NWD1: variants seen among roughly 807,000 people sequenced by gnomAD.
NWD1 encodes the protein NACHT and WD repeat domain containing 1, also known as NACHT domain- and WD repeat-containing protein 1.
In NWD1, 129 loss-of-function variants were observed where a neutral mutation model predicts 135.1. The ratio of observed to expected loss-of-function variants is 0.96; its 90% confidence interval spans 0.83 to 1.11. NWD1 has a LOEUF of 1.11. Among genes scored for constraint, NWD1 ranks in the 50% least tolerant of loss-of-function variants. The probability of loss-of-function intolerance (pLI) is 0.00; values close to 1 mark genes in which losing one functional copy is unlikely to be tolerated. For synonymous variants in NWD1, 773 were observed against 786.0 expected, an observed-to-expected ratio of 0.98 and a Z score of 0.28; for missense variants, 1,740 against 1,851.3, an observed-to-expected ratio of 0.94 and a Z score of 1.10.
intron 17 of NWD1, among the ~76,000 whole-genome samples, chr19:16,800,645 G>C (rs891634372): frequency 6.6e-6 from 1 of 152,094 alleles, no homozygotes; most frequent in Non-Finnish European, 1.5e-5. Flanking sequence ...AGCAGATCTC[G>C]TGTCTGGTGA....
In NWD1 at chr19:16,814,522, GAATA is replaced by G. The variant is rs924368934; in HGVS notation, c.4288-501_4288-498del. Among the ~76,000 whole-genome samples, 5 of 152,336 alleles carry G rather than the reference GAATA, an allele frequency of 3.3e-5. 1 individual carries two copies. Among genetic ancestry groups the G allele is most frequent in the African/African-American group, 9.6e-5 (4 of 41,578 alleles). On this transcript the variant is annotated intron_variant, in intron 18 of 18. Coordinates refer to ENST00000524140, the MANE Select transcript of NWD1 (RefSeq NM_001007525.5). ...AAGGTCACAAAACAAGTAAGTGGCT[GAATA>G]AATATCAGGTGGAGCCTACTACATT...
At chr19:16,779,322 G>A (rs1367131234) in intron 11 of NWD1, 21 bp from the exon 12 acceptor site, 15 of 1,613,540 alleles carry the variant, frequency 9.3e-6, no homozygotes, top group Non-Finnish European at 1.1e-5. Context: ...GATCATTGCT[G>A]TTGCCTCTGT....
At chr19:16,794,945 C>G (rs1014984170) in intron 15 of NWD1, among the ~76,000 whole-genome samples, 10 of 152,296 alleles carry the variant, frequency 6.6e-5, no homozygotes, top group African/African-American at 2.4e-4. Context: ...CCACACCCAG[C>G]TAATTTTTGT....
intron 6 of NWD1, among the ~76,000 whole-genome samples, chr19:16,758,700 T>G (rs1207795910): frequency 6.6e-6 from 1 of 152,114 alleles, no homozygotes; most frequent in Non-Finnish European, 1.5e-5. Context: ...CTCAGACCCC[T>G]TCGAGGTTGA....
At chr19:16,728,673 A>G (rs530355320) in intron 2 of NWD1, among the ~76,000 whole-genome samples, 34 of 151,256 alleles carry the variant, frequency 2.2e-4, no homozygotes, top group Admixed American at 4.6e-4. Context: ...GGCCGGGTGC[A>G]GTGGCTCACA....
chr19:16,779,580 A>T, intron 12 of NWD1, 115 bp downstream of exon 12: 1 of 931,486 alleles, frequency 1.1e-6, no homozygotes. Flanking sequence ...TTGTTCCTGC[A>T]TCACTTAGCT....
At chr19:16,757,780 G>T (rs1968852970) in intron 6 of NWD1, among the ~76,000 whole-genome samples, 1 of 152,356 alleles carries the variant, frequency 6.6e-6, no homozygotes, top group South Asian at 2.1e-4. Flanking sequence ...CAGGCCAGGT[G>T]CAGTGGCTCA....
intron 11 of NWD1, among the ~76,000 whole-genome samples, chr19:16,774,640 T>TCATCCGTCCATCCACCCACCCTTC (rs1337662510): frequency 6.0e-5 from 9 of 148,954 alleles, no homozygotes; most frequent in African/African-American, 2.2e-4. Context: ...TCCCATCCTT[T>TCATCCGTCCATCCACCCACCCTTC]CATCCGTCCA....
intron 17 of NWD1, among the ~76,000 whole-genome samples, chr19:16,807,144 C>T (rs907225220): frequency 1.4e-5 from 2 of 148,068 alleles, no homozygotes; most frequent in Admixed American, 6.8e-5. Context: ...GCTTCAGTCT[C>T]GCCACTGCAC....
chr19:16,812,250 G>A (rs1970946626), intron 18 of NWD1, among the ~76,000 whole-genome samples: 1 of 151,574 alleles, frequency 6.6e-6, no homozygotes, highest in African/African-American at 2.4e-5. Context: ...GGAGGTTGCA[G>A]TCAAGCCGAG....
chr19:16,735,181 CA>C, intron 3 of NWD1, among the ~76,000 whole-genome samples: 1 of 152,146 alleles, frequency 6.6e-6, no homozygotes. Flanking sequence ...CTAACCACAG[CA>C]CAACCAACTA....
At chr19:16,763,470 C>G (rs1969096895) in intron 8 of NWD1, among the ~76,000 whole-genome samples, 1 of 152,168 alleles carries the variant, frequency 6.6e-6, no homozygotes, top group Non-Finnish European at 1.5e-5. Flanking sequence ...CCTGCTCTTT[C>G]ACACCTCCAG....
At chr19:16,763,305 A>T (rs1242473111) in intron 8 of NWD1, among the ~76,000 whole-genome samples, 2 of 151,862 alleles carry the variant, frequency 1.3e-5, no homozygotes, top group Non-Finnish European at 2.9e-5. Context: ...CTTGTCTAAA[A>T]CCTTCCATAG....
At chr19:16,785,121 C>T (rs1008254283) in intron 12 of NWD1, among the ~76,000 whole-genome samples, 1 of 151,776 alleles carries the variant, frequency 6.6e-6, no homozygotes, top group Non-Finnish European at 1.5e-5. Context: ...GACAGGGTCT[C>T]CTTCTGGGGG....
At chr19:16,805,090 G>A (rs981394522) in intron 17 of NWD1, among the ~76,000 whole-genome samples, 16 of 150,466 alleles carry the variant, frequency 1.1e-4, no homozygotes, top group Admixed American at 4.7e-4. Flanking sequence ...ATGGAGTCTC[G>A]CTCTGTCACC....
intron 2 of NWD1, among the ~76,000 whole-genome samples, chr19:16,730,701 A>G (rs1439043360): frequency 6.6e-6 from 1 of 151,976 alleles, no homozygotes; most frequent in African/African-American, 2.4e-5. Flanking sequence ...TGGGTGATGG[A>G]GTGAGACCTG....
intron 4 of NWD1, among the ~76,000 whole-genome samples, chr19:16,737,841 T>C (rs1371378189): frequency 6.6e-6 from 1 of 151,902 alleles, no homozygotes; most frequent in Non-Finnish European, 1.5e-5. Flanking sequence ...GGCACGTGCC[T>C]GTAATCCCAG....
intron 2 of NWD1, among the ~76,000 whole-genome samples, chr19:16,724,846 C>T (rs145692852): frequency 2.0e-5 from 3 of 151,842 alleles, no homozygotes; most frequent in Non-Finnish European, 4.4e-5. Flanking sequence ...GCATGTGACA[C>T]CATACCCAGC....
At chr19:16,726,978 C>T (rs922639259) in intron 2 of NWD1, among the ~76,000 whole-genome samples, 5 of 142,256 alleles carry the variant, frequency 3.5e-5, no homozygotes, top group Non-Finnish European at 7.7e-5. Flanking sequence ...GGTGCCTGGA[C>T]GTGGAAGGAC....
Sources: gnomAD v4.1 joint callset for allele counts (sites outside exome capture counted in the v4.1 genomes callset) on GRCh38, gnomAD v4.1.1 for gene constraint, MANE v1.5 for transcripts, NCBI Gene and HGNC (gene_info 2026-07-23, HGNC 2026-07-21) for gene names.